The following SCUBE1 variants were observed in gnomAD, a reference collection of about 807,000 sequenced individuals.
SCUBE1 encodes the protein signal peptide, CUB domain and EGF like domain containing 1.
SCUBE1 carries 59 observed loss-of-function variants against 124.4 expected under a neutral mutation model. The ratio of observed to expected loss-of-function variants is 0.47; its 90% CI spans 0.38 to 0.59. SCUBE1 has a LOEUF of 0.59. Ranked by LOEUF, SCUBE1 falls within the 20% of genes least tolerant of loss-of-function variation. The pLI is 0.00. For synonymous variants in SCUBE1, 545 were observed against 550.9 expected, an observed-to-expected ratio of 0.99 and a Z score of 0.15; for missense variants, 1,150 against 1,371.2, an observed-to-expected ratio of 0.84 and a Z score of 2.55.
At chr22:43,242,626 G>C (rs1441928805) in intron 6 of SCUBE1, among the ~76,000 whole-genome samples, 1 of 152,210 alleles carries the variant, frequency 6.6e-6, no homozygotes, top group Non-Finnish European at 1.5e-5. Context: ...CTTGTGGAGG[G>C]CGGCTCAGGC....
At chr22:43,262,911 G>A in intron 4 of SCUBE1, 66 bp from the exon 5 acceptor site, 1 of 1,555,734 alleles carries the variant, frequency 6.4e-7, no homozygotes, top group Non-Finnish European at 8.8e-7. Context: ...AAAATTTCAG[G>A]CTGAAAGGGG....
chr22:43,339,375 C>T, intron 1 of SCUBE1, 140 bp from the exon 2 acceptor site: 1 of 778,832 alleles, frequency 1.3e-6, no homozygotes, highest in South Asian at 1.8e-5. Context: ...TGTCACAGGA[C>T]AATCTGGTGT....
intron 3 of SCUBE1, among the ~76,000 whole-genome samples, chr22:43,308,924 C>T (rs986443209): frequency 6.6e-6 from 1 of 152,248 alleles, no homozygotes; most frequent in South Asian, 2.1e-4. Flanking sequence ...AAAATAAGAA[C>T]ACAGCAGAGC....
chr22:43,296,254 G>C (rs971798478), intron 3 of SCUBE1, among the ~76,000 whole-genome samples: 2 of 152,236 alleles, frequency 1.3e-5, no homozygotes, highest in Admixed American at 6.5e-5. Flanking sequence ...GAAAACATTT[G>C]TGCAGCCTGA....
chr22:43,340,595 C>A (rs1927281637), intron 1 of SCUBE1, among the ~76,000 whole-genome samples: 1 of 145,638 alleles, frequency 6.9e-6, no homozygotes, highest in Non-Finnish European at 1.5e-5. Flanking sequence ...CAGAGCTGTA[C>A]CTATAATCCA....
rs1236118049 is a variant in SCUBE1 at position 43,255,871 on chromosome 22, A to C, written c.727+2348T>G. On this transcript the variant is annotated intron_variant, in intron 6 of 21. Transcript: ENST00000360835. This position sits in a 1 kb window ranked among gnomAD's most constrained non-coding sequence, Gnocchi z 4.7. ...GGGCCCATGGGCAAGCAAACAGAGAAGGAGGCTGAGGTCAGGGCAGACGGG... is the reference window on the plus strand; with the variant it reads ...GGGCCCATGGGCAAGCAAACAGAGACGGAGGCTGAGGTCAGGGCAGACGGG... Among the ~76,000 whole-genome samples, 1 of 152,014 alleles carries C rather than the reference A, an allele frequency of 6.6e-6. No homozygotes were observed. The highest frequency in any genetic ancestry group is 1.5e-5 in the Non-Finnish European group (1 of 68,028).
intron 16 of SCUBE1, 110 bp from the exon 17 acceptor site, chr22:43,212,702 T>C: frequency 5.6e-6 from 4 of 713,744 alleles, no homozygotes; most frequent in Non-Finnish European, 8.3e-6. Flanking sequence ...GAAAAGGTAC[T>C]GGGCACCCGA....
chr22:43,258,177 CG>C lies in SCUBE1; in HGVS notation c.727+41del, dbSNP rs772812965. On this transcript the variant is annotated intron_variant, in intron 6 of 21. Transcript: ENST00000360835. The surrounding 1 kb of genome is among the most constrained non-coding windows in gnomAD (Gnocchi z 5.0). ...TGGTGCACGCATGGGGGGTCGGGGG[CG>C]GGGGGCGCAAGGGTGGTGTGTGGCA... The C allele has an allele frequency of 5.9e-6, 8 of 1,354,228 alleles. No individual in the cohort carries two copies. The highest frequency in any genetic ancestry group is 2.3e-5 in the South Asian group (2 of 85,562). The allele number at this position is 1,354,228 out of a possible 1,614,324, so 83.9% of individuals were successfully genotyped here. A position where few individuals can be genotyped will look rare whatever the true frequency, so the allele number is the denominator to read the frequency against.
At position 43,257,108 on chromosome 22, in the gene SCUBE1, C is replaced by T. The variant is rs116860536; in HGVS notation, c.727+1111G>A. 9.2e-5 allele frequency among the ~76,000 whole-genome samples: 14 copies of T among 152,332 alleles called. No homozygotes were observed. The East Asian group carries it at 2.5e-3, about 27-fold the overall frequency. On this transcript the variant is annotated intron_variant, in intron 6 of 21. Transcript: ENST00000360835. Reference sequence around the variant, plus strand: ...GGAGAGCCACCGCAGGCAGCAGAACCCATGATGACAGCCCCGGACTACAGA... The same window carrying T: ...GGAGAGCCACCGCAGGCAGCAGAACTCATGATGACAGCCCCGGACTACAGA...
chr22:43,224,769 G>A (rs868502176), intron 10 of SCUBE1, among the ~76,000 whole-genome samples: 23 of 152,168 alleles, frequency 1.5e-4, no homozygotes, highest in Admixed American at 5.9e-4. Context: ...TGGGGGAACC[G>A]GAACGTCATG....
intron 2 of SCUBE1, among the ~76,000 whole-genome samples, chr22:43,326,093 C>A (rs17003664): frequency 6.6e-6 from 1 of 152,068 alleles, no homozygotes; most frequent in Non-Finnish European, 1.5e-5. Flanking sequence ...TCCTCAAAAT[C>A]GGGACTGACT....
chr22:43,277,958 T>C (rs1376888667), intron 4 of SCUBE1, among the ~76,000 whole-genome samples: 1 of 152,236 alleles, frequency 6.6e-6, no homozygotes, highest in Non-Finnish European at 1.5e-5. Flanking sequence ...CCCACAACTC[T>C]GGGAGATTTG....
chr22:43,244,043 G>A lies in SCUBE1; in HGVS notation c.728-5089C>T, dbSNP rs1300387154. On this transcript the variant is annotated intron_variant, in intron 6 of 21. Transcript: ENST00000360835. Reference sequence around the variant, plus strand: ...AGGTGGCCGGGAGAGGGGAGCTACAGAGATGAATGTGACATGCCCCAGGTG... The same window carrying A: ...AGGTGGCCGGGAGAGGGGAGCTACAAAGATGAATGTGACATGCCCCAGGTG... Among the ~76,000 whole-genome samples the A allele has an allele frequency of 2.0e-5, 3 of 152,308 alleles. No homozygotes were observed. In the East Asian group the frequency reaches 5.8e-4, roughly 29 times the overall value.
intron 3 of SCUBE1, among the ~76,000 whole-genome samples, chr22:43,309,871 T>G (rs940178505): frequency 1.3e-5 from 2 of 152,148 alleles, no homozygotes; most frequent in African/African-American, 4.8e-5. Flanking sequence ...CAAAATACAC[T>G]GTGAGTTCAA....
chr22:43,239,813 G>A (rs990578370), intron 6 of SCUBE1, among the ~76,000 whole-genome samples: 14 of 152,178 alleles, frequency 9.2e-5, no homozygotes, highest in Non-Finnish European at 1.9e-4. Flanking sequence ...CTGGGAGGTG[G>A]AAAGCCAATG....
At chr22:43,329,538 C>G (rs2146794539) in intron 2 of SCUBE1, among the ~76,000 whole-genome samples, 1 of 152,388 alleles carries the variant, frequency 6.6e-6, no homozygotes, top group East Asian at 1.9e-4. Context: ...GTACGAGAGG[C>G]AGGAGGTCTA....
chr22:43,218,285 C>A lies in SCUBE1; in HGVS notation c.1861G>T (p.Ala621Ser), dbSNP rs779618810. The part of the protein sequence containing the change: ...KALEGQGACG[A>S]GQVLQDSKCV... ...TTGCTGTCCTGTAGCACCTGGCCTG[C>A]GCCACATGCCCCCTGCCCCTCCAGC... is the stretch of plus-strand genomic sequence containing the variant. Residue 621 changes from alanine to serine, a missense_variant, in exon 15 of 22, where the codon GCA becomes TCA. Around this residue, in one of 3 missense-constraint regions of SCUBE1, gnomAD observed 757 missense variants for 840.9 expected, o/e 0.90. Coordinates refer to ENST00000360835, the MANE Select transcript of SCUBE1 (RefSeq NM_173050.5). The A allele has an allele frequency of 6.2e-7, 1 of 1,613,194 alleles. No homozygotes were observed. Among genetic ancestry groups the A allele is most frequent in the Non-Finnish European group, 8.5e-7 (1 of 1,180,010 alleles).
At chr22:43,299,945 G>A (rs951169083) in intron 3 of SCUBE1, among the ~76,000 whole-genome samples, 2 of 152,228 alleles carry the variant, frequency 1.3e-5, no homozygotes, top group Admixed American at 6.5e-5. Flanking sequence ...ATGTCGTAGC[G>A]TGACTCAGCA....
chr22:43,309,803 CTCTCTTCTCCCTGTACCTCTCATA>C (rs1926106913), intron 3 of SCUBE1, among the ~76,000 whole-genome samples: 1 of 152,038 alleles, frequency 6.6e-6, no homozygotes, highest in African/African-American at 2.4e-5. Context: ...TCAGTTTTGA[CTCTCTTCTCCCTGTACCTCTCATA>C]TCTCATCCAC....
Sources: gnomAD v4.1 joint callset for allele counts (sites outside exome capture counted in the v4.1 genomes callset) on GRCh38, gnomAD v4.1.1 for gene constraint, gnomAD v4.1.1 regional missense constraint, Gnocchi (gnomAD v3.1) non-coding constraint, MANE v1.5 for transcripts, NCBI Gene and HGNC (gene_info 2026-07-23, HGNC 2026-07-21) for gene names.